The following MAGI2 variants were observed in gnomAD, a reference collection of about 807,000 sequenced individuals.
The protein encoded by MAGI2 is membrane associated guanylate kinase, WW and PDZ domain containing 2.
MAGI2 carries 35 observed loss-of-function variants against 133.3 expected under a neutral mutation model. The observed-to-expected ratio is 0.26, with a 90% CI of 0.20 to 0.35. MAGI2 has a LOEUF of 0.35. MAGI2 is among the 10% of genes least tolerant of loss of function. The pLI is 1.00. For missense variants in MAGI2, 1,636 were observed against 1,863.4 expected (o/e 0.88, Z 2.25); for synonymous variants, 729 against 710.6 (o/e 1.03, Z -0.41).
At chr7:78,897,952 G>C (rs1051578246) in intron 2 of MAGI2, among the ~76,000 whole-genome samples, 1 of 152,084 alleles carries the variant, frequency 6.6e-6, no homozygotes, top group African/African-American at 2.4e-5. Flanking sequence ...TGTGAGCAAA[G>C]GTCTAATATC....
intron 1 of MAGI2, among the ~76,000 whole-genome samples, chr7:79,122,498 G>A (rs886378997): frequency 3.9e-5 from 6 of 152,192 alleles, no homozygotes; most frequent in African/African-American, 1.2e-4. Context: ...TACCCATTAC[G>A]CTTTTCAGTT....
intron 2 of MAGI2, among the ~76,000 whole-genome samples, chr7:78,970,727 A>G (rs988105062): frequency 6.6e-6 from 1 of 152,070 alleles, no homozygotes. Flanking sequence ...CTGCACTATC[A>G]CAAAGTTGAA....
chr7:78,389,778 A>G (rs1287700302), intron 6 of MAGI2, among the ~76,000 whole-genome samples: 2 of 152,218 alleles, frequency 1.3e-5, no homozygotes, highest in Non-Finnish European at 2.9e-5. Context: ...GCTATATTCT[A>G]TAAAGCTAAT....
rs1554481533 is a variant in MAGI2, at chr7:78,573,257, A to AATATATATATTT, written c.539-51613_539-51612insAAATATATATAT. On this transcript the variant is annotated intron_variant, in intron 3 of 21. Transcript: ENST00000354212. ...AAATATATATATATAAATATATATA[A>AATATATATATTT]ATATAAATATATATAAATATATATA... Among the ~76,000 whole-genome samples the AATATATATATTT allele has an allele frequency of 1.0e-3, 22 of 21,966 alleles. 1 individual carries two copies. Among genetic ancestry groups the AATATATATATTT allele is most frequent in the African/African-American group, 1.9e-3 (11 of 5,780 alleles). The allele number at this position is 21,966 out of a possible 152,430, so 14.4% of individuals were successfully genotyped here.
chr7:78,596,568 A>C (rs1459038682), intron 3 of MAGI2, among the ~76,000 whole-genome samples: 1 of 152,096 alleles, frequency 6.6e-6, no homozygotes, highest in Non-Finnish European at 1.5e-5. Flanking sequence ...TAAATCCTAT[A>C]CTTTTTACGT....
At chr7:78,066,558 C>T (rs544346985) in intron 21 of MAGI2, among the ~76,000 whole-genome samples, 28 of 151,942 alleles carry the variant, frequency 1.8e-4, no homozygotes, top group Non-Finnish European at 1.6e-4. Flanking sequence ...CTTGCCTGTT[C>T]TGTTCCACTG....
chr7:78,086,526 C>T (rs886601581), intron 20 of MAGI2, among the ~76,000 whole-genome samples: 6 of 150,910 alleles, frequency 4.0e-5, no homozygotes, highest in African/African-American at 4.9e-5. Context: ...TGTAAGGCAC[C>T]GCACCCGGTC....
rs753787460 is a variant in MAGI2, at chr7:78,027,627, C to CAA, written c.3707-7653_3707-7652dup. On this transcript the variant is annotated intron_variant, in intron 21 of 21. Transcript: ENST00000354212. ...TGGGCGACAGAGTGAGACTCCATCTCAAAAAAAAAAAAAAAAGAAAGAAAA... is the reference window on the plus strand; with the variant it reads ...TGGGCGACAGAGTGAGACTCCATCTCAAAAAAAAAAAAAAAAAAGAAAGAAAA... Among the ~76,000 whole-genome samples the CAA allele has an allele frequency of 3.9e-3, 327 of 84,356 alleles. 3 individuals carry two copies. Among genetic ancestry groups the CAA allele is most frequent in the African/African-American group, 0.011 (290 of 26,330 alleles). 55.3% of individuals were successfully genotyped at this position (84,356 alleles called of 152,430 possible).
chr7:78,441,680 C>T (rs1014856782), intron 6 of MAGI2, among the ~76,000 whole-genome samples: 1 of 151,160 alleles, frequency 6.6e-6, no homozygotes, highest in Non-Finnish European at 1.5e-5. Flanking sequence ...AAAAAAACTA[C>T]AAAACCCAAA....
At chr7:78,127,112 T>C (rs1176590242) in intron 19 of MAGI2, 85 bp downstream of exon 19, 6 of 1,112,710 alleles carry the variant, frequency 5.4e-6, no homozygotes, top group Non-Finnish European at 7.7e-6. Flanking sequence ...AGACAGGTAC[T>C]CTTTCCTCTG....
At chr7:78,893,437 T>C (rs1012936372) in intron 2 of MAGI2, among the ~76,000 whole-genome samples, 6 of 152,138 alleles carry the variant, frequency 3.9e-5, no homozygotes, top group African/African-American at 1.4e-4. Context: ...ACACGTATGT[T>C]TATTGCGGCA....
intron 1 of MAGI2, among the ~76,000 whole-genome samples, chr7:79,049,477 G>T (rs1014886821): frequency 6.6e-6 from 1 of 152,098 alleles, no homozygotes; most frequent in Non-Finnish European, 1.5e-5. Flanking sequence ...GCTAGAAAAG[G>T]ATGGATCCCT....
intron 4 of MAGI2, among the ~76,000 whole-genome samples, chr7:78,504,645 A>T (rs1410179134): frequency 6.6e-6 from 1 of 152,158 alleles, no homozygotes; most frequent in African/African-American, 2.4e-5. Context: ...AAATACAAAT[A>T]CACAGACTTT....
At chr7:79,401,775 T>G (rs1845487379) in intron 1 of MAGI2, among the ~76,000 whole-genome samples, 1 of 152,132 alleles carries the variant, frequency 6.6e-6, no homozygotes, top group Non-Finnish European at 1.5e-5. Flanking sequence ...AACTTATTAC[T>G]ACATGTTTAC....
At chr7:79,059,427 T>C (rs571773402) in intron 1 of MAGI2, among the ~76,000 whole-genome samples, 19 of 152,174 alleles carry the variant, frequency 1.2e-4, no homozygotes, top group Admixed American at 3.9e-4. Context: ...CTATAATTTA[T>C]AGTTGTGTGG....
chr7:78,394,679 A>G (rs1274798041), intron 6 of MAGI2, among the ~76,000 whole-genome samples: 1 of 152,184 alleles, frequency 6.6e-6, no homozygotes, highest in Admixed American at 6.5e-5. Context: ...TATAGCCCTT[A>G]ACACTTACAG....
At chr7:78,475,418 T>A (rs561459357) in intron 6 of MAGI2, among the ~76,000 whole-genome samples, 1 of 152,104 alleles carries the variant, frequency 6.6e-6, no homozygotes, top group African/African-American at 2.4e-5. Flanking sequence ...AGAGAACATA[T>A]TTTATTAAGT....
At chr7:78,459,192 G>C (rs1428983093) in intron 6 of MAGI2, among the ~76,000 whole-genome samples, 1 of 152,104 alleles carries the variant, frequency 6.6e-6, no homozygotes, top group Non-Finnish European at 1.5e-5. Flanking sequence ...TAAAATCCTT[G>C]AGATATGGCA....
chr7:78,080,558 A>T (rs1466433630), intron 20 of MAGI2, among the ~76,000 whole-genome samples: 1 of 152,240 alleles, frequency 6.6e-6, no homozygotes, highest in East Asian at 1.9e-4. Flanking sequence ...CAGAAACCTC[A>T]TGGCACAGAA....
Sources: gnomAD v4.1 joint callset for allele counts (sites outside exome capture counted in the v4.1 genomes callset) on GRCh38, gnomAD v4.1.1 for gene constraint, MANE v1.5 for transcripts, NCBI Gene and HGNC (gene_info 2026-07-23, HGNC 2026-07-21) for gene names.